Variants in CYB5RL observed in about 807,000 individuals in gnomAD.
The protein encoded by CYB5RL is NADH-cytochrome b5 reductase-like.
Under a neutral mutation model 37.5 loss-of-function variants are expected in CYB5RL, and 38 were observed. That is an observed-to-expected ratio of 1.01 (90% confidence interval 0.78 to 1.33). The LOEUF (loss-of-function observed/expected upper bound fraction) is 1.33. Ranked by LOEUF, CYB5RL falls within the 40% of genes most tolerant of loss-of-function variation. CYB5RL has a pLI of 0.00. For missense variants in CYB5RL, 388 were observed against 394.4 expected (o/e 0.98, Z 0.14); for synonymous variants, 141 against 151.9 (o/e 0.93, Z 0.53).
chr1:54,197,325 T>A (rs1049698648), intron 1 of CYB5RL, among the ~76,000 whole-genome samples: 4 of 148,566 alleles, frequency 2.7e-5, no homozygotes, highest in African/African-American at 9.9e-5. Context: ...TTCTTTTTTT[T>A]TTTTTTTTGA....
chr1:54,185,348 GCAGAGAGGA>G (rs1250859886), intron 5 of CYB5RL: 1 of 148,486 alleles, frequency 6.7e-6, no homozygotes, highest in Admixed American at 6.7e-5. Context: ...GAGCAGGGGT[GCAGAGAGGA>G]CTCTGGACAT....
Position 54,187,637 on chromosome 1 carries a change from C to T in CYB5RL, c.435+15G>A, listed in dbSNP as rs1557722611. 1.2e-6 allele frequency: 2 copies of T among 1,613,130 alleles called. No individual in the cohort carries two copies. Among genetic ancestry groups the T allele is most frequent in the African/African-American group, 2.7e-5 (2 of 75,040 alleles). On this transcript the variant is annotated intron_variant, in intron 5 of 7. Transcript: ENST00000534324. ...TCTCCACGGCATCTTGGAGCATCCTCAAGGGTCAACTCACCTTAATTAACA... is the reference window on the plus strand; with the variant it reads ...TCTCCACGGCATCTTGGAGCATCCTTAAGGGTCAACTCACCTTAATTAACA...
At chr1:54,179,502 C>A in intron 6 of CYB5RL, 150 bp from the exon 7 acceptor site, 4 of 747,244 alleles carry the variant, frequency 5.4e-6, no homozygotes, top group Non-Finnish European at 8.6e-6. Flanking sequence ...TCTACCTCCT[C>A]CAGAAAGCCG....
chr1:54,175,703 A>C (rs1660004100), intron 7 of CYB5RL: 1 of 434,794 alleles, frequency 2.3e-6, no homozygotes, highest in Non-Finnish European at 4.6e-6. Flanking sequence ...AAAAAATAAC[A>C]ATATAGCAAT....
chr1:54,197,317 C>CTTTTCTT (rs1644017136), intron 1 of CYB5RL, among the ~76,000 whole-genome samples: 1 of 124,084 alleles, frequency 8.1e-6, no homozygotes, highest in African/African-American at 3.2e-5. Context: ...CTTTTCTTTT[C>CTTTTCTT]TTTTTTTTTT....
intron 4 of CYB5RL, among the ~76,000 whole-genome samples, chr1:54,188,228 GATC>G (rs1199427249): frequency 6.6e-6 from 1 of 152,242 alleles, no homozygotes; most frequent in African/African-American, 2.4e-5. Flanking sequence ...GATCCCAGTA[GATC>G]ATCTCATGCC....
chr1:54,185,661 TC>T (rs1380939272), intron 5 of CYB5RL: 1 of 152,250 alleles, frequency 6.6e-6, no homozygotes, highest in Non-Finnish European at 1.5e-5. Flanking sequence ...GAGGTTTTTC[TC>T]CTGCCTTGCT....
At chr1:54,179,891 T>TA (rs1660113814) in intron 6 of CYB5RL, 3 of 452,368 alleles carry the variant, frequency 6.6e-6, no homozygotes, top group Non-Finnish European at 8.8e-6. Context: ...ATCTCTAGGC[T>TA]AAATGAAATA....
rs769265229 is a variant in CYB5RL at position 54,174,719 on chromosome 1, T to G, written c.848A>C (p.Lys283Thr). Residue 283 changes from lysine to threonine, a missense_variant, in exon 8 of 8, where the codon AAG becomes ACG. Transcript: ENST00000534324. ...IKELVSCCRRKPFALVCGSAE... is the reference protein window; with the variant it reads ...IKELVSCCRRTPFALVCGSAE... ...CGAGCCACAGACCAGTGCGAATGGC[T>G]TTCTCCGACAGCAGCTGACCAGCTC... 1 of 1,614,012 alleles carries G rather than the reference T, an allele frequency of 6.2e-7. No homozygotes were observed. The highest frequency in any genetic ancestry group is 8.5e-7 in the Non-Finnish European group (1 of 1,179,894).
Position 54,179,476 on chromosome 1 carries a change from C to A in CYB5RL, c.541-124G>T, listed in dbSNP as rs1039117521. On this transcript the variant is annotated intron_variant, in intron 6 of 7. Transcript: ENST00000534324. ...GGCAGTGCCCTTCCTTGGTGTCCAACCACCTATGTCCCCTCTCTACCTCCT... is the reference window on the plus strand; with the variant it reads ...GGCAGTGCCCTTCCTTGGTGTCCAAACACCTATGTCCCCTCTCTACCTCCT... 5 of 900,870 alleles carry A rather than the reference C, an allele frequency of 5.6e-6. No homozygotes were observed. In the Admixed American group the frequency reaches 9.5e-5, roughly 17 times the overall value. The allele number at this position is 900,870 out of a possible 1,614,324, so 55.8% of individuals were successfully genotyped here. A position where few individuals can be genotyped will look rare whatever the true frequency, so the allele number is the denominator to read the frequency against.
chr1:54,192,868 C>T (rs113530418), intron 3 of CYB5RL, among the ~76,000 whole-genome samples: 5,153 of 152,104 alleles, frequency 0.034, 145 homozygotes, highest in African/African-American at 0.074. Context: ...AATTCTCATG[C>T]CTCAGCCTCC....
chr1:54,181,746 G>A (rs1220869040), intron 6 of CYB5RL, among the ~76,000 whole-genome samples: 1 of 152,228 alleles, frequency 6.6e-6, no homozygotes, highest in Non-Finnish European at 1.5e-5. Context: ...GAGCCAAGGA[G>A]TTTGAGACCA....
chr1:54,191,073 C>T (rs186828979), intron 3 of CYB5RL, among the ~76,000 whole-genome samples, 177 bp from the exon 4 acceptor site: 3 of 152,322 alleles, frequency 2.0e-5, no homozygotes, highest in African/African-American at 7.2e-5. Context: ...AATGCCAGAG[C>T]GCTTTCCTTT....
At chr1:54,176,414 C>G (rs1660021017) in intron 7 of CYB5RL, among the ~76,000 whole-genome samples, 1 of 152,132 alleles carries the variant, frequency 6.6e-6, no homozygotes. Flanking sequence ...GCCTATAGTC[C>G]CAGTTGCTTG....
At chr1:54,175,689 C>A in intron 7 of CYB5RL, 1 of 439,200 alleles carries the variant, frequency 2.3e-6, no homozygotes, top group Non-Finnish European at 4.6e-6. Context: ...TTTTAAAAAA[C>A]ATTAAAAAAT....
Position 54,195,727 on chromosome 1 carries a change from A to T in CYB5RL, c.-99-12T>A. The T allele has an allele frequency of 8.0e-7, 1 of 1,244,210 alleles. No homozygotes were observed. The highest frequency in any genetic ancestry group is 1.1e-6 in the Non-Finnish European group (1 of 903,520). The allele number at this position is 1,244,210 out of a possible 1,614,324, so 77.1% of individuals were successfully genotyped here. A position where few individuals can be genotyped will look rare whatever the true frequency, so the allele number is the denominator to read the frequency against. On this transcript the variant is annotated splice_polypyrimidine_tract_variant and intron_variant, in intron 2 of 7. Coordinates refer to ENST00000534324, the MANE Select transcript of CYB5RL (RefSeq NM_001031672.4). ...GCTCCTTGGCCAGCCTGGGAGAGGG[A>T]AAACATGGGGGTTATTCTCTGGTCT...
intron 4 of CYB5RL, chr1:54,190,501 A>G: frequency 3.3e-6 from 2 of 605,886 alleles, no homozygotes; most frequent in Admixed American, 3.1e-5. Context: ...AAATGATTTC[A>G]TGCCTATAAG....
rs969578461 is a variant in CYB5RL, at chr1:54,169,664, G to A, written c.*4955C>T. 1 of 152,106 alleles carries A rather than the reference G, an allele frequency of 6.6e-6. No individual in the cohort carries two copies. The highest frequency in any genetic ancestry group is 6.5e-5 in the Admixed American group (1 of 15,270). The allele number at this position is 152,106 out of a possible 1,614,324, so 9.4% of individuals were successfully genotyped here. ...AAGCACATTGGATTTTTTTTTAAAT[G>A]TTTAATTATGGAACTATTTGAAAAA... On this transcript the variant is annotated 3_prime_UTR_variant, in exon 8 of 8. Coordinates refer to ENST00000534324, the MANE Select transcript of CYB5RL (RefSeq NM_001031672.4).
In CYB5RL at chr1:54,184,251, C is replaced by A; in HGVS notation, c.450G>T (p.Gly150=). Residue 150 remains glycine, a synonymous_variant, in exon 6 of 8, where the codon GGG becomes GGT. Coordinates refer to ENST00000534324, the MANE Select transcript of CYB5RL (RefSeq NM_001031672.4). ...AGGACTCAACATACCGGGACATCAGCCCCATCTGGTAGCACTGGAAGCAAA... is the reference window on the plus strand; with the variant it reads ...AGGACTCAACATACCGGGACATCAGACCCATCTGGTAGCACTGGAAGCAAA... ...FEVLIKCYQM[G]LMSRYVESWR... 4 of 1,613,564 alleles carry A rather than the reference C, an allele frequency of 2.5e-6. No homozygotes were observed. The highest frequency in any genetic ancestry group is 2.5e-6 in the Non-Finnish European group (3 of 1,179,700).
Sources: gnomAD v4.1 joint callset for allele counts (sites outside exome capture counted in the v4.1 genomes callset) on GRCh38, gnomAD v4.1.1 for gene constraint, MANE v1.5 for transcripts, NCBI Gene and HGNC (gene_info 2026-07-23, HGNC 2026-07-21) for gene names.